The following WDR49 variants were observed in gnomAD, a reference collection of about 807,000 sequenced individuals.
WDR49 encodes the protein cilia- and flagella-associated protein 337.
WDR49 carries 107 observed loss-of-function variants against 119.5 expected under a neutral mutation model. The ratio of observed to expected loss-of-function variants is 0.90; its 90% CI spans 0.77 to 1.05. WDR49 has a LOEUF of 1.05. Ranked by LOEUF, WDR49 falls within the 50% of genes least tolerant of loss-of-function variation. The pLI is 0.00. For synonymous variants in WDR49, 425 were observed against 418.8 expected, an observed-to-expected ratio of 1.01 and a Z score of -0.18; for missense variants, 1,240 against 1,220.5, an observed-to-expected ratio of 1.02 and a Z score of -0.24.
chr3:167,478,851 G>A lies in WDR49; in HGVS notation c.*27C>T. The A allele has an allele frequency of 1.4e-6, 2 of 1,450,596 alleles. No homozygotes were observed. The highest frequency in any genetic ancestry group is 2.3e-5 in the East Asian group (1 of 43,572). 89.9% of individuals were successfully genotyped at this position (1,450,596 alleles called of 1,614,324 possible). ...TCTGCATTTTATATCTGTACCTTAT[G>A]TAACAGTGAAGGTTTTTCTGTTGTA... On this transcript the variant is annotated 3_prime_UTR_variant, in exon 19 of 19. Coordinates refer to ENST00000682715, the MANE Select transcript of WDR49 (RefSeq NM_001366157.1).
At chr3:167,599,559 T>C (rs992942919) in intron 7 of WDR49, among the ~76,000 whole-genome samples, 1 of 152,192 alleles carries the variant, frequency 6.6e-6, no homozygotes, top group Non-Finnish European at 1.5e-5. Context: ...ACCCGCTTGG[T>C]GCTCTATCTC....
At chr3:167,527,755 A>T in intron 15 of WDR49, 65 bp downstream of exon 15, 7 of 1,466,090 alleles carry the variant, frequency 4.8e-6, no homozygotes, top group Non-Finnish European at 6.5e-6. Flanking sequence ...TTCAAATAGA[A>T]ATCAGCCCAA....
At chr3:167,602,071 T>C in intron 7 of WDR49, 56 bp downstream of exon 7, 1 of 1,511,652 alleles carries the variant, frequency 6.6e-7, no homozygotes, top group Non-Finnish European at 9.0e-7. Flanking sequence ...CAGAGTTGAT[T>C]TGGGTAGGAA....
intron 18 of WDR49, among the ~76,000 whole-genome samples, chr3:167,484,353 A>T (rs916155289): frequency 6.6e-6 from 1 of 152,070 alleles, no homozygotes; most frequent in African/African-American, 2.4e-5. Context: ...GTAAATGATG[A>T]GTTAATGGGT....
intron 16 of WDR49, among the ~76,000 whole-genome samples, chr3:167,519,799 T>A (rs562062276): frequency 9.2e-5 from 14 of 152,106 alleles, no homozygotes; most frequent in African/African-American, 2.9e-4. Flanking sequence ...TTAAAATAAA[T>A]TTTAAAAAAC....
intron 2 of WDR49, among the ~76,000 whole-genome samples, chr3:167,640,297 T>A (rs1288424855): frequency 1.3e-5 from 2 of 151,858 alleles, no homozygotes; most frequent in African/African-American, 4.8e-5. Context: ...TTGTTCTCTA[T>A]TGACTCCTTT....
At chr3:167,597,249 C>T (rs1715524623) in intron 7 of WDR49, among the ~76,000 whole-genome samples, 1 of 152,220 alleles carries the variant, frequency 6.6e-6, no homozygotes, top group African/African-American at 2.4e-5. Flanking sequence ...AGGGCTGTTA[C>T]TTCAAAGGGT....
At chr3:167,530,581 C>A (rs1047128323) in intron 13 of WDR49, among the ~76,000 whole-genome samples, 56 of 150,408 alleles carry the variant, frequency 3.7e-4, no homozygotes, top group East Asian at 1.2e-3. Context: ...AAAAAAAAAA[C>A]AAAACGATGA....
chr3:167,605,022 G>A (rs547108571), intron 5 of WDR49, among the ~76,000 whole-genome samples: 1 of 151,310 alleles, frequency 6.6e-6, no homozygotes, highest in South Asian at 2.1e-4. Context: ...TTGTGTGTGT[G>A]TGTGTGTGTG....
intron 2 of WDR49, among the ~76,000 whole-genome samples, chr3:167,637,792 T>A (rs993710515): frequency 4.6e-5 from 7 of 151,786 alleles, no homozygotes; most frequent in Non-Finnish European, 7.4e-5. Context: ...TTGATTTGAT[T>A]CTCTGCTTGG....
intron 10 of WDR49, among the ~76,000 whole-genome samples, chr3:167,548,797 C>T (rs2108260694): frequency 6.6e-6 from 1 of 152,166 alleles, no homozygotes; most frequent in East Asian, 1.9e-4. Context: ...CACCCATTAA[C>T]TCATCATTTA....
At chr3:167,577,535 A>C (rs1381533166) in intron 7 of WDR49, among the ~76,000 whole-genome samples, 1 of 151,810 alleles carries the variant, frequency 6.6e-6, no homozygotes, top group African/African-American at 2.4e-5. Context: ...TTTTTTTTTA[A>C]TCTGAGTTTT....
At chr3:167,520,716 T>C (rs1239951123) in intron 16 of WDR49, among the ~76,000 whole-genome samples, 1 of 152,194 alleles carries the variant, frequency 6.6e-6, no homozygotes, top group Non-Finnish European at 1.5e-5. Flanking sequence ...TTTATTGAGA[T>C]GTTTAATACA....
intron 5 of WDR49, among the ~76,000 whole-genome samples, chr3:167,613,837 C>A (rs1003047774): frequency 1.3e-5 from 2 of 150,874 alleles, no homozygotes; most frequent in Non-Finnish European, 2.9e-5. Context: ...CCCAGGTACT[C>A]GGGAGGCTGA....
intron 7 of WDR49, among the ~76,000 whole-genome samples, chr3:167,595,271 A>G (rs1464303040): frequency 1.3e-5 from 2 of 152,224 alleles, no homozygotes; most frequent in African/African-American, 4.8e-5. Context: ...AAGAATCAAT[A>G]TCGTGAAAAT....
intron 5 of WDR49, among the ~76,000 whole-genome samples, chr3:167,610,095 C>A (rs1174789608): frequency 6.6e-6 from 1 of 152,168 alleles, no homozygotes. Flanking sequence ...TCAGGTGAGA[C>A]TCGGCACATT....
chr3:167,626,888 C>A lies in WDR49; in HGVS notation c.570G>T (p.Trp190Cys). The A allele has an allele frequency of 8.0e-7, 1 of 1,256,512 alleles. No individual in the cohort carries two copies. The highest frequency in any genetic ancestry group is 1.5e-5 in the African/African-American group (1 of 65,106). The allele number at this position is 1,256,512 out of a possible 1,614,324, so 77.8% of individuals were successfully genotyped here. Residue 190 changes from tryptophan to cysteine, a missense_variant, in exon 3 of 19, where the codon TGG (tryptophan) becomes TGT (cysteine). By Grantham distance (215) the Trp-to-Cys change is radical. Transcript: ENST00000682715. The part of the protein sequence containing the change: ...TSDATKLKHL[W>C]VTSLVSLENV... ...TTTCCAGAGAAACCAGACTTGTCAC[C>A]CACAGGTGTTTGAGCTTGGTGGCAT... is the stretch of plus-strand genomic sequence containing the variant.
chr3:167,614,095 TC>T (rs1489225318), intron 5 of WDR49, among the ~76,000 whole-genome samples: 1 of 152,048 alleles, frequency 6.6e-6, no homozygotes, highest in Non-Finnish European at 1.5e-5. Flanking sequence ...TTCTTTCTTG[TC>T]CCCCCTCCTG....
intron 2 of WDR49, among the ~76,000 whole-genome samples, chr3:167,639,885 C>G (rs1416451192): frequency 6.6e-6 from 1 of 151,734 alleles, no homozygotes; most frequent in Non-Finnish European, 1.5e-5. Context: ...GGCTGCTGAA[C>G]ACTAATGGAC....
Sources: allele counts gnomAD v4.1 joint callset (sites outside exome capture counted in the v4.1 genomes callset), GRCh38; gene constraint gnomAD v4.1.1; transcripts MANE v1.5; gene names NCBI Gene and HGNC (gene_info 2026-07-23, HGNC 2026-07-21).